Variants in NAALADL2 observed in about 807,000 individuals in gnomAD.
NAALADL2 encodes the protein N-acetylated alpha-linked acidic dipeptidase like 2.
Under a neutral mutation model 87.2 loss-of-function variants are expected in NAALADL2, and 76 were observed. That is an observed-to-expected ratio of 0.87 (90% CI 0.72 to 1.05). The LOEUF (loss-of-function observed/expected upper bound fraction) is 1.05, where lower values mean the gene tolerates loss of function less well. NAALADL2 is among the 50% of genes least tolerant of loss of function. The pLI is 0.00. For missense variants in NAALADL2, 1,089 were observed against 945.8 expected, an observed-to-expected ratio of 1.15 and a Z score of -1.99; for synonymous variants, 354 against 331.0, an observed-to-expected ratio of 1.07 and a Z score of -0.75.
intron 3 of NAALADL2, among the ~76,000 whole-genome samples, chr3:174,846,864 A>C (rs1338816990): frequency 2.0e-5 from 3 of 152,140 alleles, no homozygotes; most frequent in Non-Finnish European, 2.9e-5. Context: ...TAGGAAGACC[A>C]CTATAGGAGA....
At chr3:174,519,897 A>G (rs1025443636) in intron 1 of NAALADL2, among the ~76,000 whole-genome samples, 3 of 152,154 alleles carry the variant, frequency 2.0e-5, no homozygotes, top group African/African-American at 7.2e-5. Context: ...ACTGAATGGG[A>G]AAAAGTTGAA....
At chr3:175,687,357 GC>G (rs1736439931) in intron 11 of NAALADL2, among the ~76,000 whole-genome samples, 1 of 152,138 alleles carries the variant, frequency 6.6e-6, no homozygotes, top group Non-Finnish European at 1.5e-5. Context: ...TAAGTATTAT[GC>G]CGTTGTGGCC....
chr3:175,804,593 T>G lies in NAALADL2; in HGVS notation c.*1390T>G, dbSNP rs1004357902. 6.6e-5 allele frequency: 10 copies of G among 151,944 alleles called. No homozygotes were observed. The highest frequency in any genetic ancestry group is 2.4e-4 in the African/African-American group (10 of 41,518). 9.4% of individuals were successfully genotyped at this position (151,944 alleles called of 1,614,324 possible). A position where few individuals can be genotyped will look rare whatever the true frequency, so the allele number is the denominator to read the frequency against. Reference sequence around the variant, plus strand: ...AAACATAGCCTCAGAGTATTTCATATAAATTTTCTCTATCTAATTCAAACA... The same window carrying G: ...AAACATAGCCTCAGAGTATTTCATAGAAATTTTCTCTATCTAATTCAAACA... On this transcript the variant is annotated 3_prime_UTR_variant, in exon 14 of 14. Coordinates refer to ENST00000454872, the MANE Select transcript of NAALADL2 (RefSeq NM_207015.3).
Position 175,707,379 on chromosome 3 carries a change from T to C in NAALADL2, c.1897-29927T>C, listed in dbSNP as rs181860565. ...TTTAATTTTTTCAACTGTTTAGAAA[T>C]GTAAAAACTATTCTTAACGCATGAG... is the stretch of plus-strand genomic sequence containing the variant. On this transcript the variant is annotated intron_variant, in intron 11 of 13. Transcript: ENST00000454872. Among the ~76,000 whole-genome samples the C allele has an allele frequency of 3.3e-5, 5 of 152,248 alleles. No individual in the cohort carries two copies. The East Asian group carries it at 7.7e-4, about 24-fold the overall frequency.
chr3:175,327,788 C>A (rs1304587751), intron 5 of NAALADL2, among the ~76,000 whole-genome samples: 1 of 152,090 alleles, frequency 6.6e-6, no homozygotes, highest in African/African-American at 2.4e-5. Context: ...TTTCCTCTGC[C>A]CCTCTGGGTT....
intron 11 of NAALADL2, among the ~76,000 whole-genome samples, chr3:175,694,918 G>A (rs1737543119): frequency 6.6e-6 from 1 of 151,824 alleles, no homozygotes; most frequent in Non-Finnish European, 1.5e-5. Context: ...AGGTTTTGGG[G>A]TCTTTCAACA....
intron 1 of NAALADL2, among the ~76,000 whole-genome samples, chr3:174,997,066 T>G (rs1397330217): frequency 6.7e-6 from 1 of 149,656 alleles, no homozygotes; most frequent in East Asian, 2.0e-4. Context: ...ATATTTTTTT[T>G]TTTAATCCAC....
chr3:175,485,468 G>A (rs1262424198), intron 9 of NAALADL2, among the ~76,000 whole-genome samples: 3 of 152,152 alleles, frequency 2.0e-5, no homozygotes, highest in African/African-American at 7.2e-5. Flanking sequence ...GGCTCAGTGG[G>A]AGTCCCAAAA....
chr3:175,742,703 A>G (rs1022927610), intron 12 of NAALADL2, among the ~76,000 whole-genome samples: 8 of 152,024 alleles, frequency 5.3e-5, no homozygotes, highest in African/African-American at 1.9e-4. Flanking sequence ...GGCCCTATGT[A>G]ATGTAAGTTT....
intron 5 of NAALADL2, among the ~76,000 whole-genome samples, chr3:175,349,207 T>TAA (rs577690261): frequency 0.23 from 31,556 of 135,932 alleles, 4,983 homozygotes; most frequent in African/African-American, 0.45. Flanking sequence ...CAACTGCTAT[T>TAA]AAAAAAAAAA....
intron 2 of NAALADL2, among the ~76,000 whole-genome samples, chr3:175,126,855 CCT>C (rs1491219960): frequency 9.1e-6 from 1 of 110,046 alleles, no homozygotes; most frequent in Non-Finnish European, 1.9e-5. Context: ...GTTCAAGCTA[CCT>C]TTTTTTTTTT....
At chr3:174,695,992 A>G (rs1255017248) in intron 2 of NAALADL2, among the ~76,000 whole-genome samples, 2 of 152,058 alleles carry the variant, frequency 1.3e-5, no homozygotes, top group Non-Finnish European at 2.9e-5. Context: ...ACAGAATGAT[A>G]CTGCATAACA....
intron 1 of NAALADL2, among the ~76,000 whole-genome samples, chr3:174,482,083 C>T (rs991345576): frequency 2.6e-5 from 4 of 152,086 alleles, no homozygotes; most frequent in African/African-American, 9.7e-5. Context: ...TTAAGGGTAT[C>T]AGTCTCATAC....
intron 13 of NAALADL2, among the ~76,000 whole-genome samples, chr3:175,791,795 T>G (rs1212323050): frequency 6.6e-6 from 1 of 151,596 alleles, no homozygotes; most frequent in African/African-American, 2.4e-5. Context: ...TAAATTTATT[T>G]TTTTCTTAAA....
At chr3:175,565,820 G>GCT (rs1717019924) in intron 9 of NAALADL2, among the ~76,000 whole-genome samples, 2 of 70,178 alleles carry the variant, frequency 2.8e-5, no homozygotes, top group Non-Finnish European at 6.3e-5. Flanking sequence ...AAAAACAAAA[G>GCT]CCCCCCCCCT....
chr3:175,435,314 A>G (rs1045201414), intron 5 of NAALADL2, among the ~76,000 whole-genome samples: 1 of 152,034 alleles, frequency 6.6e-6, no homozygotes, highest in Admixed American at 6.6e-5. Flanking sequence ...ATGTGACTAT[A>G]TCAATATGTA....
At chr3:175,719,768 T>C (rs1211988812) in intron 11 of NAALADL2, among the ~76,000 whole-genome samples, 2 of 152,166 alleles carry the variant, frequency 1.3e-5, no homozygotes, top group Non-Finnish European at 2.9e-5. Flanking sequence ...ATAAACTCAG[T>C]AGCTTATAAA....
chr3:174,565,073 C>T (rs1259653572), intron 2 of NAALADL2, among the ~76,000 whole-genome samples: 1 of 151,912 alleles, frequency 6.6e-6, no homozygotes, highest in Non-Finnish European at 1.5e-5. Flanking sequence ...TTTGCATATA[C>T]ACCCTCACCA....
At chr3:175,188,925 A>G (rs547650498) in intron 2 of NAALADL2, among the ~76,000 whole-genome samples, 4 of 152,098 alleles carry the variant, frequency 2.6e-5, no homozygotes, top group African/African-American at 7.2e-5. Flanking sequence ...TCCCAAAGCC[A>G]TGTCAATGCT....
Sources: allele counts gnomAD v4.1 joint callset (sites outside exome capture counted in the v4.1 genomes callset), GRCh38; gene constraint gnomAD v4.1.1; transcripts MANE v1.5; gene names NCBI Gene and HGNC (gene_info 2026-07-23, HGNC 2026-07-21).